The following DPP6 variants were observed in gnomAD, a reference collection of about 807,000 sequenced individuals.
The protein encoded by DPP6 is dipeptidyl peptidase like 6.
Under a neutral mutation model 122.6 loss-of-function variants are expected in DPP6, and 69 were observed. That is an observed-to-expected ratio of 0.56 (90% CI 0.46 to 0.69). The LOEUF is 0.69. Among genes scored for constraint, DPP6 ranks in the 30% least tolerant of loss-of-function variants. The probability of loss-of-function intolerance (pLI) is 0.00; values close to 1 mark genes in which losing one functional copy is unlikely to be tolerated. For missense variants in DPP6, 928 were observed against 1,116.9 expected (o/e 0.83, Z 2.41); for synonymous variants, 418 against 433.1 (o/e 0.97, Z 0.43).
chr7:154,888,928 TA>T (rs1406165765), intron 23 of DPP6, among the ~76,000 whole-genome samples: 1 of 152,184 alleles, frequency 6.6e-6, no homozygotes, highest in Non-Finnish European at 1.5e-5. Context: ...CTCTGCCTTA[TA>T]AAGTCATCAG....
chr7:154,331,287 T>C (rs571741126), intron 1 of DPP6, among the ~76,000 whole-genome samples: 1 of 152,342 alleles, frequency 6.6e-6, no homozygotes, highest in African/African-American at 2.4e-5. Context: ...ACTGTCTCTG[T>C]GTGGCTTTTT....
intron 1 of DPP6, among the ~76,000 whole-genome samples, chr7:154,243,914 A>C (rs1801811289): frequency 2.6e-5 from 4 of 152,196 alleles, no homozygotes; most frequent in Non-Finnish European, 5.9e-5. Context: ...TATCTCAGTG[A>C]ACTAGCAGGA....
intron 5 of DPP6, among the ~76,000 whole-genome samples, chr7:154,615,974 C>CT (rs1183313188): frequency 5.9e-5 from 9 of 152,208 alleles, no homozygotes; most frequent in African/African-American, 1.4e-4. Context: ...CGTACAGTGT[C>CT]TATCTTTCTG....
chr7:154,757,293 C>A (rs1247297007), intron 8 of DPP6, among the ~76,000 whole-genome samples: 12 of 152,196 alleles, frequency 7.9e-5, no homozygotes. Context: ...ACTGGCCAGC[C>A]TCTTCTCCTT....
the DPP6 span, among the ~76,000 whole-genome samples, chr7:153,843,105 C>T: frequency 2.0e-5 from 3 of 151,014 alleles, no homozygotes; most frequent in Admixed American, 6.6e-5. Flanking sequence ...CATACACACA[C>T]GAGTGCATAC....
At chr7:154,178,653 A>G (rs1797928176) in intron 1 of DPP6, among the ~76,000 whole-genome samples, 1 of 152,242 alleles carries the variant, frequency 6.6e-6, no homozygotes, top group African/African-American at 2.4e-5. Context: ...GTCACTGACT[A>G]TGGCTTTATG....
chr7:154,232,368 T>C (rs924193857), intron 1 of DPP6, among the ~76,000 whole-genome samples: 1 of 152,132 alleles, frequency 6.6e-6, no homozygotes, highest in African/African-American at 2.4e-5. Context: ...ACTTCTCCTC[T>C]GGAGTGATCA....
chr7:153,794,272 C>T, the DPP6 span, among the ~76,000 whole-genome samples: 1 of 152,220 alleles, frequency 6.6e-6, no homozygotes, highest in Non-Finnish European at 1.5e-5. Flanking sequence ...CCCTGCAAAG[C>T]GACAGGAGTG....
intron 1 of DPP6, among the ~76,000 whole-genome samples, chr7:154,054,287 CT>C (rs1279121299): frequency 8.5e-5 from 13 of 152,176 alleles, no homozygotes; most frequent in Admixed American, 7.9e-4. Flanking sequence ...TTTCGTATTT[CT>C]TTAGTGCAAG....
intron 1 of DPP6, among the ~76,000 whole-genome samples, chr7:154,433,835 C>A (rs761567798): frequency 7.2e-4 from 109 of 152,318 alleles, no homozygotes; most frequent in Non-Finnish European, 1.5e-3. Context: ...ACAGGTCCAA[C>A]TTTCCAACAA....
intron 25 of DPP6, 94 bp from the exon 26 acceptor site, chr7:154,892,240 G>A: frequency 1.3e-6 from 2 of 1,547,934 alleles, no homozygotes; most frequent in Non-Finnish European, 1.8e-6. Context: ...CCCGGACGGG[G>A]CCCAGGTTTC....
intron 2 of DPP6, among the ~76,000 whole-genome samples, chr7:154,454,559 CGG>C (rs1387363658): frequency 2.0e-5 from 3 of 152,030 alleles, no homozygotes; most frequent in East Asian, 3.9e-4. Flanking sequence ...CATGAGCCCT[CGG>C]GGGACAGAGG....
At chr7:154,843,792 C>T (rs1801743461) in intron 16 of DPP6, among the ~76,000 whole-genome samples, 1 of 152,258 alleles carries the variant, frequency 6.6e-6, no homozygotes, top group African/African-American at 2.4e-5. Flanking sequence ...AGCTGGTCCC[C>T]TGACCCCTTC....
At chr7:154,375,887 A>G (rs1813086014) in intron 1 of DPP6, among the ~76,000 whole-genome samples, 1 of 152,186 alleles carries the variant, frequency 6.6e-6, no homozygotes, top group Non-Finnish European at 1.5e-5. Context: ...TCATGAATGG[A>G]CGCAGAGTGA....
intron 1 of DPP6, among the ~76,000 whole-genome samples, chr7:154,188,814 A>T (rs1798478519): frequency 6.6e-6 from 1 of 152,226 alleles, no homozygotes; most frequent in Non-Finnish European, 1.5e-5. Flanking sequence ...TCGATAAAAG[A>T]ACAAAATACA....
intron 18 of DPP6, among the ~76,000 whole-genome samples, chr7:154,870,568 T>G (rs1804299018): frequency 6.6e-6 from 1 of 152,110 alleles, no homozygotes; most frequent in South Asian, 2.1e-4. Context: ...ATCGCACCAC[T>G]GCACTCCAGC....
chr7:154,363,559 C>T lies in DPP6; in HGVS notation c.244-82655C>T, dbSNP rs983151888. On this transcript the variant is annotated intron_variant, in intron 1 of 25. Coordinates refer to ENST00000377770, the MANE Select transcript of DPP6 (RefSeq NM_130797.4). The stretch of plus-strand genomic sequence containing the variant: ...AAGTTCCAGGCTGAGGCTAGGGGAG[C>T]TGTCTGTGTCTGTGGCCCCCATGGG... Among the ~76,000 whole-genome samples, 3 of 152,172 alleles carry T rather than the reference C, an allele frequency of 2.0e-5. No homozygotes were observed. In the East Asian group the frequency reaches 5.8e-4, roughly 29 times the overall value.
In DPP6 at chr7:154,755,159, A is replaced by AAAG. The variant is rs1470615327; in HGVS notation, c.884-14256_884-14255insGAA. On this transcript the variant is annotated intron_variant, in intron 8 of 25. Coordinates refer to ENST00000377770, the MANE Select transcript of DPP6 (RefSeq NM_130797.4). The surrounding 1 kb of genome is among the most constrained non-coding windows in gnomAD (Gnocchi z 4.7). ...AAAGTAAAATAAATTAAAAAAAAAAAAAAAAGAAACTGAACACATGTCAGG... is the reference window on the plus strand; with the variant it reads ...AAAGTAAAATAAATTAAAAAAAAAAAAAGAAAAAGAAACTGAACACATGTCAGG... Among the ~76,000 whole-genome samples the AAAG allele has an allele frequency of 6.6e-6, 1 of 151,670 alleles. No individual in the cohort carries two copies. Among genetic ancestry groups the AAAG allele is most frequent in the Non-Finnish European group, 1.5e-5 (1 of 67,916 alleles).
intron 8 of DPP6, among the ~76,000 whole-genome samples, chr7:154,742,168 ACAGT>A (rs1427666338): frequency 2.6e-5 from 4 of 152,332 alleles, no homozygotes; most frequent in Admixed American, 1.3e-4. Flanking sequence ...GAACTGATAC[ACAGT>A]CAGTCCGATG....
Sources: gnomAD v4.1 joint callset for allele counts (sites outside exome capture counted in the v4.1 genomes callset) on GRCh38, gnomAD v4.1.1 for gene constraint, Gnocchi (gnomAD v3.1) non-coding constraint, MANE v1.5 for transcripts, NCBI Gene and HGNC (gene_info 2026-07-23, HGNC 2026-07-21) for gene names.